Variants in FRMD6 observed in about 807,000 individuals in gnomAD.
FRMD6 encodes the protein FERM domain-containing protein 6.
A neutral mutation model predicts 73.2 loss-of-function variants in FRMD6; 37 were observed. The ratio of observed to expected loss-of-function variants is 0.51; its 90% confidence interval spans 0.39 to 0.66. The LOEUF is 0.66. FRMD6 is among the 30% of genes least tolerant of loss of function. The pLI is 0.00. For synonymous variants in FRMD6, 273 were observed against 282.2 expected (o/e 0.97, Z 0.33); for missense variants, 714 against 780.5 (o/e 0.91, Z 1.02).
At chr14:51,698,277 G>A (rs1371569838) in intron 3 of FRMD6, 45 bp downstream of exon 3, 2 of 1,340,470 alleles carry the variant, frequency 1.5e-6, no homozygotes, top group Admixed American at 1.8e-5. Flanking sequence ...AACTATCCCT[G>A]AGGAAATGAC....
At chr14:51,614,169 G>A (rs1050130395) in intron 2 of FRMD6, among the ~76,000 whole-genome samples, 3 of 152,058 alleles carry the variant, frequency 2.0e-5, no homozygotes, top group African/African-American at 4.8e-5. Flanking sequence ...ACACATCTGC[G>A]CTTGGTTAAG....
intron 1 of FRMD6, among the ~76,000 whole-genome samples, chr14:51,503,212 G>T (rs1175561420): frequency 6.6e-6 from 1 of 152,104 alleles, no homozygotes; most frequent in Non-Finnish European, 1.5e-5. Flanking sequence ...TGATTGCCCT[G>T]GCCAGAACTT....
chr14:51,717,959 T>C (rs1897325830), intron 10 of FRMD6, among the ~76,000 whole-genome samples: 1 of 152,216 alleles, frequency 6.6e-6, no homozygotes, highest in Non-Finnish European at 1.5e-5. Context: ...AGTATTCACA[T>C]TTACTGCATT....
At chr14:51,442,571 A>C in the FRMD6 span, among the ~76,000 whole-genome samples, 2 of 152,142 alleles carry the variant, frequency 1.3e-5, no homozygotes, top group South Asian at 4.2e-4. Flanking sequence ...CTTTAGTTTT[A>C]CTATCTTCTG....
chr14:51,694,945 G>A (rs1183233061), intron 2 of FRMD6, among the ~76,000 whole-genome samples: 1 of 148,526 alleles, frequency 6.7e-6, no homozygotes, highest in African/African-American at 2.6e-5. Context: ...TTGAATAAGA[G>A]CACTGCTTAC....
the FRMD6 span, among the ~76,000 whole-genome samples, chr14:51,399,250 C>G: frequency 1.3e-5 from 2 of 152,190 alleles, no homozygotes; most frequent in Non-Finnish European, 2.9e-5. Context: ...CCCCGTCTAT[C>G]TTTATGCATG....
chr14:51,612,508 G>A, intron 2 of FRMD6, among the ~76,000 whole-genome samples: 1 of 152,102 alleles, frequency 6.6e-6, no homozygotes, highest in Non-Finnish European at 1.5e-5. Flanking sequence ...CATGACCTTG[G>A]GCCTAAATTG....
upstream of FRMD6, among the ~76,000 whole-genome samples, chr14:51,488,390 T>G (rs757704359): frequency 1.3e-5 from 2 of 152,348 alleles, no homozygotes; most frequent in Non-Finnish European, 2.9e-5. Flanking sequence ...TCTGTTATTG[T>G]GCCAGTCTTC....
chr14:51,609,429 G>A (rs529616487), intron 2 of FRMD6, among the ~76,000 whole-genome samples: 62 of 152,266 alleles, frequency 4.1e-4, no homozygotes, highest in African/African-American at 1.3e-3. Flanking sequence ...CACAGACATC[G>A]GTGTATGGAT....
intron 13 of FRMD6, among the ~76,000 whole-genome samples, chr14:51,727,087 C>T (rs1213659245): frequency 6.6e-6 from 1 of 152,106 alleles, no homozygotes; most frequent in East Asian, 1.9e-4. Flanking sequence ...ACCCCCGACT[C>T]GTGTTCGGGA....
intron 8 of FRMD6, among the ~76,000 whole-genome samples, 156 bp from the exon 9 acceptor site, chr14:51,712,327 G>A (rs1221572469): frequency 6.6e-6 from 1 of 152,186 alleles, no homozygotes; most frequent in East Asian, 1.9e-4. Context: ...TTGTTATCAT[G>A]AATCTTTTAA....
intron 2 of FRMD6, among the ~76,000 whole-genome samples, chr14:51,578,058 G>A (rs1387561345): frequency 6.6e-6 from 1 of 152,120 alleles, no homozygotes; most frequent in African/African-American, 2.4e-5. Context: ...ATAAGCAGAA[G>A]CCATCGTTGC....
chr14:51,500,487 C>T (rs1399410825), intron 1 of FRMD6, among the ~76,000 whole-genome samples: 2 of 151,174 alleles, frequency 1.3e-5, no homozygotes, highest in African/African-American at 2.4e-5. Flanking sequence ...AGATCGTGCT[C>T]CAGCCTGGGC....
At chr14:51,555,385 A>G (rs540152763) in intron 1 of FRMD6, among the ~76,000 whole-genome samples, 2 of 152,354 alleles carry the variant, frequency 1.3e-5, no homozygotes, top group East Asian at 3.9e-4. Context: ...GAAATATTTC[A>G]GCCAGGTACC....
At chr14:51,721,692 CAGGAAGGA>C (rs112816584) in intron 11 of FRMD6, among the ~76,000 whole-genome samples, 34,467 of 102,216 alleles carry the variant, frequency 0.34, 7,734 homozygotes, top group Non-Finnish European at 0.41. Flanking sequence ...AAAATGGTCC[CAGGAAGGA>C]AGGAAGGAAG....
chr14:51,658,384 A>C (rs1332291222), intron 1 of FRMD6, among the ~76,000 whole-genome samples: 1 of 151,726 alleles, frequency 6.6e-6, no homozygotes, highest in Non-Finnish European at 1.5e-5. Context: ...TGTAAGTATC[A>C]AGTAGGAGAT....
At chr14:51,600,999 G>A (rs2139804526) in intron 2 of FRMD6, among the ~76,000 whole-genome samples, 1 of 152,256 alleles carries the variant, frequency 6.6e-6, no homozygotes, top group Admixed American at 6.5e-5. Flanking sequence ...AAGATTTTTG[G>A]GCAGCAATTT....
At chr14:51,623,867 G>GT (rs1176291116) in intron 2 of FRMD6, among the ~76,000 whole-genome samples, 1 of 152,178 alleles carries the variant, frequency 6.6e-6, no homozygotes, top group African/African-American at 2.4e-5. Flanking sequence ...AAAAGATGCT[G>GT]TATGTCAATT....
intron 1 of FRMD6, among the ~76,000 whole-genome samples, chr14:51,563,554 C>G (rs368133735): frequency 6.6e-6 from 1 of 152,070 alleles, no homozygotes; most frequent in Non-Finnish European, 1.5e-5. Context: ...CCTGTAATCC[C>G]AGCTACTCTG....
Sources: allele counts gnomAD v4.1 joint callset (sites outside exome capture counted in the v4.1 genomes callset), GRCh38; gene constraint gnomAD v4.1.1; transcripts MANE v1.5; gene names NCBI Gene and HGNC (gene_info 2026-07-23, HGNC 2026-07-21).